Variants in SLC25A48 observed in about 807,000 individuals in gnomAD.
SLC25A48 encodes the protein CTC-321K16.1.
A neutral mutation model predicts 32.2 loss-of-function variants in SLC25A48; 29 were observed. That is an observed-to-expected ratio of 0.90 (90% CI 0.67 to 1.23). The LOEUF (loss-of-function observed/expected upper bound fraction) is 1.23, where lower values mean the gene tolerates loss of function less well. Among genes scored for constraint, SLC25A48 ranks in the 50% most tolerant of loss-of-function variants. The probability of loss-of-function intolerance (pLI) is 0.00; values close to 1 mark genes in which losing one functional copy is unlikely to be tolerated. For synonymous variants in SLC25A48, 164 were observed against 172.3 expected, an observed-to-expected ratio of 0.95 and a Z score of 0.38; for missense variants, 399 against 422.7, an observed-to-expected ratio of 0.94 and a Z score of 0.49.
intron 3 of SLC25A48, among the ~76,000 whole-genome samples, chr5:135,807,621 C>A (rs886544014): frequency 2.0e-5 from 3 of 148,074 alleles, no homozygotes; most frequent in Non-Finnish European, 4.5e-5. Flanking sequence ...GTGTGTTAAC[C>A]CTAGATATTA....
At chr5:135,743,457 C>G (rs1436031170) in intron 3 of SLC25A48, among the ~76,000 whole-genome samples, 6 of 152,058 alleles carry the variant, frequency 3.9e-5, no homozygotes. Flanking sequence ...TCCTATGATA[C>G]AGAGGACAGC....
intron 3 of SLC25A48, among the ~76,000 whole-genome samples, chr5:135,765,750 T>C (rs924435325): frequency 1.3e-5 from 2 of 151,692 alleles, no homozygotes; most frequent in African/African-American, 4.9e-5. Context: ...CTACCTGTGA[T>C]ATGGTTTGTA....
intron 3 of SLC25A48, among the ~76,000 whole-genome samples, chr5:135,726,282 G>T (rs1160571095): frequency 6.6e-6 from 1 of 152,222 alleles, no homozygotes; most frequent in African/African-American, 2.4e-5. Flanking sequence ...TTCACATGCA[G>T]TTGTAAGAAG....
chr5:135,814,206 C>A (rs1757660144), intron 4 of SLC25A48, among the ~76,000 whole-genome samples: 1 of 152,172 alleles, frequency 6.6e-6, no homozygotes, highest in Admixed American at 6.5e-5. Flanking sequence ...GGCTTCTGCA[C>A]CCTGGGCCTT....
chr5:135,724,950 A>T (rs986153492), intron 3 of SLC25A48, among the ~76,000 whole-genome samples: 1 of 152,270 alleles, frequency 6.6e-6, no homozygotes. Flanking sequence ...GGCCCAGCCC[A>T]GCCTTGGCTA....
chr5:135,580,050 T>C (rs1268712334), intron 1 of SLC25A48, among the ~76,000 whole-genome samples: 1 of 152,236 alleles, frequency 6.6e-6, no homozygotes, highest in African/African-American at 2.4e-5. Context: ...ATTGGCACCA[T>C]CGTTTTATGT....
intron 5 of SLC25A48, among the ~76,000 whole-genome samples, 180 bp from the exon 6 acceptor site, chr5:135,873,841 C>A (rs1352493137): frequency 6.6e-6 from 1 of 152,216 alleles, no homozygotes; most frequent in African/African-American, 2.4e-5. Context: ...GAGGAAACTT[C>A]TGCCAAGTCT....
chr5:135,707,639 G>C (rs1754549676), intron 3 of SLC25A48, among the ~76,000 whole-genome samples: 1 of 152,112 alleles, frequency 6.6e-6, no homozygotes, highest in South Asian at 2.1e-4. Context: ...CCTTTGCTCA[G>C]GTCCTTGCTC....
At chr5:135,579,853 A>G (rs559418407) in intron 1 of SLC25A48, among the ~76,000 whole-genome samples, 3 of 152,328 alleles carry the variant, frequency 2.0e-5, no homozygotes, top group East Asian at 1.9e-4. Flanking sequence ...AATGCGAGGT[A>G]TAGTGGTGTG....
chr5:135,707,519 CCCCCGCCCTTGGGT>C (rs955617181), intron 3 of SLC25A48, among the ~76,000 whole-genome samples: 1 of 152,174 alleles, frequency 6.6e-6, no homozygotes, highest in Non-Finnish European at 1.5e-5. Flanking sequence ...ACTCCCGCCG[CCCCCGCCCTTGGGT>C]CCCCGCAGCC....
At chr5:135,772,765 C>A (rs1756447245) in intron 3 of SLC25A48, among the ~76,000 whole-genome samples, 1 of 150,516 alleles carries the variant, frequency 6.6e-6, no homozygotes, top group South Asian at 2.1e-4. Flanking sequence ...TCGTAATATC[C>A]AAGAGAGGAG....
At position 135,808,252 on chromosome 5, in the gene SLC25A48, A is replaced by G. The variant is rs1386732092; in HGVS notation, c.-520-4271A>G. 2.0e-5 allele frequency among the ~76,000 whole-genome samples: 3 copies of G among 150,442 alleles called. No individual in the cohort carries two copies. The East Asian group carries it at 5.8e-4, about 29-fold the overall frequency. On this transcript the variant is annotated intron_variant, in intron 3 of 10. Transcript: ENST00000646290. ...CACTGTATTAACACTTGATATTATT[A>G]TAAATATTTTAGATATTTTATTAAC... is the stretch of plus-strand genomic sequence containing the variant.
chr5:135,751,266 G>GGT (rs1457559265), intron 3 of SLC25A48, among the ~76,000 whole-genome samples: 1 of 152,174 alleles, frequency 6.6e-6, no homozygotes, highest in Non-Finnish European at 1.5e-5. Context: ...AACAGTGTTT[G>GGT]TTTCAGCCGG....
chr5:135,799,089 G>A (rs529840574), intron 3 of SLC25A48, among the ~76,000 whole-genome samples: 1 of 151,762 alleles, frequency 6.6e-6, no homozygotes, highest in South Asian at 2.1e-4. Flanking sequence ...CACCACTTTG[G>A]TGATATTTTT....
intron 7 of SLC25A48, chr5:135,883,212 C>T: frequency 1.1e-5 from 11 of 985,488 alleles, no homozygotes; most frequent in Non-Finnish European, 1.3e-5. Flanking sequence ...CAAGCATTCT[C>T]ATCCCCACCC....
At chr5:135,661,220 C>T (rs1276040931) in intron 3 of SLC25A48, among the ~76,000 whole-genome samples, 1 of 152,224 alleles carries the variant, frequency 6.6e-6, no homozygotes, top group East Asian at 1.9e-4. Flanking sequence ...CTGCAGCTGC[C>T]TCTCTTCCTT....
intron 1 of SLC25A48, among the ~76,000 whole-genome samples, chr5:135,588,066 G>A (rs1253404542): frequency 6.6e-6 from 1 of 152,224 alleles, no homozygotes; most frequent in African/African-American, 2.4e-5. Context: ...CGGAAAGCAG[G>A]GCGGGTTTGC....
intron 6 of SLC25A48, among the ~76,000 whole-genome samples, chr5:135,878,540 C>T (rs1328804430): frequency 6.6e-6 from 1 of 152,122 alleles, no homozygotes; most frequent in African/African-American, 2.4e-5. Flanking sequence ...GTCCATCAGC[C>T]CCTTTCCCAG....
chr5:135,640,963 T>A (rs762371148), intron 3 of SLC25A48, among the ~76,000 whole-genome samples: 8 of 152,232 alleles, frequency 5.3e-5, no homozygotes, highest in Non-Finnish European at 1.0e-4. Context: ...TACTCATCAT[T>A]TCTATTCAAC....
Sources: allele counts gnomAD v4.1 joint callset (sites outside exome capture counted in the v4.1 genomes callset), GRCh38; gene constraint gnomAD v4.1.1; transcripts MANE v1.5; gene names NCBI Gene and HGNC (gene_info 2026-07-23, HGNC 2026-07-21).